The following FOXJ3 variants were observed in gnomAD, a reference collection of about 807,000 sequenced individuals.
FOXJ3 encodes forkhead box J3, also known as forkhead box protein J3.
FOXJ3 carries 22 observed loss-of-function variants against 76.1 expected under a neutral mutation model. The observed-to-expected ratio is 0.29, with a 90% CI of 0.21 to 0.41. FOXJ3 has a LOEUF of 0.41. FOXJ3 is among the 10% of genes least tolerant of loss of function. FOXJ3 has a pLI of 1.00. For missense variants in FOXJ3, 613 were observed against 762.1 expected, an observed-to-expected ratio of 0.80 and a Z score of 2.30; for synonymous variants, 269 against 261.2, an observed-to-expected ratio of 1.03 and a Z score of -0.29.
At chr1:42,247,287 AAAT>A (rs1423255735) in intron 4 of FOXJ3, among the ~76,000 whole-genome samples, 2 of 152,196 alleles carry the variant, frequency 1.3e-5, no homozygotes, top group African/African-American at 2.4e-5. Flanking sequence ...AAAAATGCAC[AAAT>A]AATATGTATC....
intron 4 of FOXJ3, among the ~76,000 whole-genome samples, chr1:42,247,271 C>A (rs1649628541): frequency 6.6e-6 from 1 of 151,798 alleles, no homozygotes; most frequent in Admixed American, 6.6e-5. Flanking sequence ...AATACAAGTA[C>A]CCCATAAAAA....
At chr1:42,223,887 G>C (rs568834387) in intron 5 of FOXJ3, among the ~76,000 whole-genome samples, 1 of 152,322 alleles carries the variant, frequency 6.6e-6, no homozygotes, top group Non-Finnish European at 1.5e-5. Context: ...CACAAACTGT[G>C]AAGGCAAGAC....
At chr1:42,270,513 T>TACATACATATAAA (rs1651791317) in intron 3 of FOXJ3, among the ~76,000 whole-genome samples, 1 of 152,174 alleles carries the variant, frequency 6.6e-6, no homozygotes, top group Non-Finnish European at 1.5e-5. Flanking sequence ...CCAAGACTTG[T>TACATACATATAAA]ACATACACAT....
At chr1:42,248,359 C>A (rs958678362) in intron 4 of FOXJ3, among the ~76,000 whole-genome samples, 3 of 151,868 alleles carry the variant, frequency 2.0e-5, no homozygotes, top group Non-Finnish European at 4.4e-5. Flanking sequence ...ACTGTGAAAC[C>A]CCATCTCTAC....
At chr1:42,238,647 C>T (rs370358938) in intron 4 of FOXJ3, among the ~76,000 whole-genome samples, 2 of 152,144 alleles carry the variant, frequency 1.3e-5, no homozygotes, top group Non-Finnish European at 2.9e-5. Context: ...CAGCCTCAAC[C>T]TCCCAGGCCC....
At chr1:42,184,300 C>G (rs1646389771) in intron 11 of FOXJ3, among the ~76,000 whole-genome samples, 1 of 152,072 alleles carries the variant, frequency 6.6e-6, no homozygotes, top group African/African-American at 2.4e-5. Context: ...GGGAATTAAT[C>G]TTTTACCACT....
chr1:42,272,364 AAGG>A (rs1651926686), intron 3 of FOXJ3, among the ~76,000 whole-genome samples: 1 of 152,262 alleles, frequency 6.6e-6, no homozygotes, highest in South Asian at 2.1e-4. Flanking sequence ...GGCCTGCGCA[AAGG>A]AGAAGATAAA....
chr1:42,192,540 T>C (rs1460594960), intron 8 of FOXJ3, among the ~76,000 whole-genome samples: 14 of 152,206 alleles, frequency 9.2e-5, no homozygotes, highest in African/African-American at 3.1e-4. Flanking sequence ...ACTTTCTACA[T>C]AGTGAAGGTG....
At chr1:42,263,124 T>C (rs1026745096) in intron 4 of FOXJ3, among the ~76,000 whole-genome samples, 2 of 152,062 alleles carry the variant, frequency 1.3e-5, no homozygotes, top group Admixed American at 6.5e-5. Flanking sequence ...AAAAGAAGAG[T>C]TGCAAAGAGT....
At chr1:42,312,478 AC>A (rs949626806) in intron 1 of FOXJ3, among the ~76,000 whole-genome samples, 1 of 152,232 alleles carries the variant, frequency 6.6e-6, no homozygotes, top group Non-Finnish European at 1.5e-5. Flanking sequence ...CCCTGCATAC[AC>A]TGAAGAGAGA....
At chr1:42,199,660 T>A (rs1445413110) in intron 6 of FOXJ3, among the ~76,000 whole-genome samples, 1 of 151,596 alleles carries the variant, frequency 6.6e-6, no homozygotes. Context: ...ATCACAGGCA[T>A]CACAGTATTT....
At chr1:42,328,144 A>G (rs765366280) in intron 1 of FOXJ3, among the ~76,000 whole-genome samples, 23 of 152,148 alleles carry the variant, frequency 1.5e-4, no homozygotes, top group Admixed American at 2.6e-4. Flanking sequence ...AAAAATAAAT[A>G]AATTAGCCAG....
At chr1:42,283,319 G>C (rs952215573) in intron 2 of FOXJ3, among the ~76,000 whole-genome samples, 2 of 152,128 alleles carry the variant, frequency 1.3e-5, no homozygotes, top group Non-Finnish European at 2.9e-5. Context: ...AGGAGCACCA[G>C]GTTCAGGCTA....
chr1:42,194,974 A>T lies in FOXJ3; in HGVS notation c.850T>A (p.Phe284Ile). The T allele has an allele frequency of 6.2e-7, 1 of 1,612,742 alleles. No individual in the cohort carries two copies. Among genetic ancestry groups the T allele is most frequent in the South Asian group, 1.1e-5 (1 of 91,000 alleles). ...AGATCTTCAAAATTATATTCTGAGA[A>T]AAGTAGTTGCTTGTCTCTTTCTGGA... The part of the protein sequence containing the change: ...NLPERDKQLL[F>I]SEYNFEDLSA... The change falls in exon 8 of 13, where the codon TTC (phenylalanine) becomes ATC (isoleucine). Residue 284 changes from phenylalanine (F) to isoleucine (I), a missense_variant. Phe to Ile is a conservative substitution (Grantham distance 21, BLOSUM62 0). This residue lies in a region of FOXJ3 where 526 missense variants were observed against 601.4 expected (regional missense o/e 0.87). Coordinates refer to ENST00000361346, the MANE Select transcript of FOXJ3 (RefSeq NM_014947.5).
At chr1:42,265,211 C>A in intron 3 of FOXJ3, 22 bp from the exon 4 acceptor site, 1 of 1,365,792 alleles carries the variant, frequency 7.3e-7, no homozygotes, top group Non-Finnish European at 1.0e-6. Flanking sequence ...GAAGAAAAGC[C>A]ATAAGGTCAA....
At position 42,191,647 on chromosome 1, in the gene FOXJ3, CTGCTGG is replaced by C; in HGVS notation, c.1001_1006del (p.Pro334_Ser336delinsArg). ...GCTGTGTGGGTGAGTGCTCACTGTA[CTGCTGG>C]GAGAGTGCTGATAGGTACATGAAGT... On this transcript the variant is annotated inframe_deletion, in exon 9 of 13. Coordinates refer to ENST00000361346, the MANE Select transcript of FOXJ3 (RefSeq NM_014947.5). The C allele has an allele frequency of 6.2e-7, 1 of 1,614,090 alleles. No individual in the cohort carries two copies. Among genetic ancestry groups the C allele is most frequent in the Non-Finnish European group, 8.5e-7 (1 of 1,180,012 alleles).
intron 1 of FOXJ3, among the ~76,000 whole-genome samples, chr1:42,318,580 G>A (rs1265456769): frequency 6.6e-6 from 1 of 152,122 alleles, no homozygotes; most frequent in Non-Finnish European, 1.5e-5. Context: ...CCCGACGTCA[G>A]GTGATCCGCC....
At chr1:42,252,173 G>A (rs1349018439) in intron 4 of FOXJ3, among the ~76,000 whole-genome samples, 7 of 152,084 alleles carry the variant, frequency 4.6e-5, no homozygotes, top group Non-Finnish European at 1.5e-5. Context: ...TTTTCCTATT[G>A]ATTGGAATAG....
upstream of FOXJ3, chr1:42,335,397 G>T (rs975939621): frequency 4.6e-5 from 7 of 152,258 alleles, no homozygotes; most frequent in African/African-American, 1.7e-4. Context: ...AGACTCCCGA[G>T]GCTCTGCATC....
Sources: allele counts gnomAD v4.1 joint callset (sites outside exome capture counted in the v4.1 genomes callset), GRCh38; gene constraint gnomAD v4.1.1; regional missense constraint gnomAD v4.1.1; transcripts MANE v1.5; gene names NCBI Gene and HGNC (gene_info 2026-07-23, HGNC 2026-07-21).